NLRP12: variants seen among roughly 807,000 people sequenced by gnomAD.
NLRP12 encodes NACHT, LRR and PYD domains-containing protein 12.
NLRP12 carries 108 observed loss-of-function variants against 91.2 expected under a neutral mutation model. The ratio of observed to expected loss-of-function variants is 1.18; its 90% CI spans 1.01 to 1.39. The LOEUF is 1.39. Among genes scored for constraint, NLRP12 ranks in the 40% most tolerant of loss-of-function variants. NLRP12 has a pLI of 0.00. For synonymous variants in NLRP12, 613 were observed against 566.7 expected (o/e 1.08, Z -1.16); for missense variants, 1,530 against 1,352.7 (o/e 1.13, Z -2.06).
rs754512228 is a variant in NLRP12 at position 53,819,410 on chromosome 19, AATATATATATATATATAT to A, written c.290-4440_290-4423del. The stretch of plus-strand genomic sequence containing the variant: ...CAGGCGTGTGCCACTACGCCTGGCT[AATATATATATATATATAT>A]ATATATATATATATATATATATATA... On this transcript the variant is annotated intron_variant, in intron 1 of 9. Transcript: ENST00000324134. Among the ~76,000 whole-genome samples the A allele has an allele frequency of 4.6e-3, 108 of 23,670 alleles. 15 individuals are homozygous for A. The highest frequency in any genetic ancestry group is 9.3e-3 in the African/African-American group (52 of 5,594). 15.5% of individuals were successfully genotyped at this position (23,670 alleles called of 152,430 possible).
At position 53,798,312 on chromosome 19, in the gene NLRP12, A is replaced by G; in HGVS notation, c.2858T>C (p.Leu953Pro). ...CAGCAACCACAGGCCCCAGTCTCCC[A>G]GGTCGTTGAAACTCAAGTCCAGCTC... is the stretch of plus-strand genomic sequence containing the variant. ...LRELDLSFND[L>P]GDWGLWLLAE... Residue 953 changes from leucine to proline, a missense_variant, in exon 8 of 10, where the codon CTG becomes CCG. Coordinates refer to ENST00000324134, the MANE Select transcript of NLRP12 (RefSeq NM_144687.4). 1 of 1,614,164 alleles carries G rather than the reference A, an allele frequency of 6.2e-7. No homozygotes were observed. Among genetic ancestry groups the G allele is most frequent in the Non-Finnish European group, 8.5e-7 (1 of 1,180,026 alleles).
Position 53,809,632 on chromosome 19 carries a change from T to C in NLRP12, c.2027A>G (p.Asp676Gly). Reference sequence around the variant, plus strand: ...CGCTCCTGCGGAGCACCTCGCGCGGTCTTCCCCGTCCGCGCTGTAGGTGGC... The same window carrying C: ...CGCTCCTGCGGAGCACCTCGCGCGGCCTTCCCCGTCCGCGCTGTAGGTGGC... ...YGATYSADGE[D>G]RARCSAGAHT... The change falls in exon 3 of 10, where the codon GAC (aspartate) becomes GGC (glycine). Residue 676 changes from aspartate (D) to glycine (G), a missense_variant. Coordinates refer to ENST00000324134, the MANE Select transcript of NLRP12 (RefSeq NM_144687.4). 6.2e-7 allele frequency: 1 copy of C among 1,612,320 alleles called. No homozygotes were observed. Among genetic ancestry groups the C allele is most frequent in the Non-Finnish European group, 8.5e-7 (1 of 1,179,704 alleles).
In NLRP12 at chr19:53,810,822, G is replaced by C; in HGVS notation, c.837C>G (p.Leu279=). 6.2e-7 allele frequency: 1 copy of C among 1,614,124 alleles called. No individual in the cohort carries two copies. The highest frequency in any genetic ancestry group is 1.1e-5 in the South Asian group (1 of 91,082). ...FSCWPEPSAP[L]QELIRVPERL... is the part of the protein sequence containing the mutation. ...GCTCGGGAACTCGGATGAGCTCCTG[G>C]AGAGGCGCGCTGGGCTCAGGCCAGC... Residue 279 remains leucine (L), a synonymous_variant, in exon 3 of 10, where the codon CTC becomes CTG. Coordinates refer to ENST00000324134, the MANE Select transcript of NLRP12 (RefSeq NM_144687.4).
At chr19:53,819,254 C>A (rs1247225799) in intron 1 of NLRP12, among the ~76,000 whole-genome samples, 1 of 150,278 alleles carries the variant, frequency 6.7e-6, no homozygotes. Context: ...TCTTTCTTTT[C>A]TTTTTTTGAG....
Position 53,821,478 on chromosome 19 carries a change from C to A in NLRP12, c.289+2408G>T, listed in dbSNP as rs1433764000. Among the ~76,000 whole-genome samples, 4 of 152,192 alleles carry A rather than the reference C, an allele frequency of 2.6e-5. No homozygotes were observed. The South Asian group carries it at 8.3e-4, about 32-fold the overall frequency. On this transcript the variant is annotated intron_variant, in intron 1 of 9. Coordinates refer to ENST00000324134, the MANE Select transcript of NLRP12 (RefSeq NM_144687.4). The stretch of plus-strand genomic sequence containing the variant: ...GGTCAGGAGATCGAGACCATCCTGG[C>A]TAACATAGGGAAACCCCGTCTCTAT...
Position 53,824,201 on chromosome 19 carries a change from G to T in NLRP12, c.-27C>A. On this transcript the variant is annotated 5_prime_UTR_variant, in exon 1 of 10. Transcript: ENST00000324134. ...GGGGTGCCGTGAGCCCCAAAGGAGA[G>T]GACCTGGAGGCTGAGATGCTCCTAT... 3.7e-6 allele frequency: 6 copies of T among 1,611,736 alleles called. No individual in the cohort carries two copies. The highest frequency in any genetic ancestry group is 5.1e-6 in the Non-Finnish European group (6 of 1,179,604).
intron 9 of NLRP12, among the ~76,000 whole-genome samples, chr19:53,795,001 AATC>A (rs1474058340): frequency 4.0e-5 from 6 of 151,652 alleles, no homozygotes; most frequent in Non-Finnish European, 8.8e-5. Flanking sequence ...CCAGTGGCGT[AATC>A]ATGGTTCACT....
Position 53,811,089 on chromosome 19 carries a change from C to G in NLRP12, c.570G>C (p.Gln190His). Residue 190 changes from glutamine (Q) to histidine (H), a missense_variant, in exon 3 of 10, where the codon CAG becomes CAC. Transcript: ENST00000324134. ...GGGTCTCTATCTTGATGGGGCTAGC[C>G]TGGTGTCCCACGGTCCTCGCGTGTC... ...GRGHARTVGH[Q>H]ASPIKIETLF... 6.2e-7 allele frequency: 1 copy of G among 1,613,884 alleles called. No individual in the cohort carries two copies. Among genetic ancestry groups the G allele is most frequent in the South Asian group, 1.1e-5 (1 of 91,082 alleles).
rs759770066 is a variant in NLRP12, at chr19:53,810,797, G to T, written c.862C>A (p.Arg288Ser). The change falls in exon 3 of 10, where the codon CGC (arginine) becomes AGC (serine). Residue 288 changes from arginine (R) to serine (S), a missense_variant. Transcript: ENST00000324134. ...PLQELIRVPE[R>S]LLFIIDGFDE... Reference sequence around the variant, plus strand: ...AAGCCGTCGATGATGAAAAGGAGGCGCTCGGGAACTCGGATGAGCTCCTGG... The same window carrying T: ...AAGCCGTCGATGATGAAAAGGAGGCTCTCGGGAACTCGGATGAGCTCCTGG... 2.5e-6 allele frequency: 4 copies of T among 1,614,082 alleles called. No individual in the cohort carries two copies. Among genetic ancestry groups the T allele is most frequent in the East Asian group, 2.2e-5 (1 of 44,880 alleles).
At chr19:53,804,983 T>C (rs1459100811) in intron 5 of NLRP12, among the ~76,000 whole-genome samples, 7 of 151,934 alleles carry the variant, frequency 4.6e-5, no homozygotes, top group Non-Finnish European at 1.0e-4. Context: ...TGAGCCGAGA[T>C]TGTGCCACTG....
rs916644675 is a variant in NLRP12, at chr19:53,803,505, G to A, written c.2585+447C>T. Among the ~76,000 whole-genome samples, 62 of 151,594 alleles carry A rather than the reference G, an allele frequency of 4.1e-4. 3 individuals carry two copies. Among genetic ancestry groups the A allele is most frequent in the Admixed American group, 3.3e-3 (50 of 15,176 alleles). ...CATCTCTGGAACTTTTTCATCTTCC[G>A]AAATGGAACCTCTGCTCCCGTTAAA... On this transcript the variant is annotated intron_variant, in intron 6 of 9. Coordinates refer to ENST00000324134, the MANE Select transcript of NLRP12 (RefSeq NM_144687.4).
At chr19:53,797,824 T>C (rs2091794758) in intron 8 of NLRP12, among the ~76,000 whole-genome samples, 1 of 151,930 alleles carries the variant, frequency 6.6e-6, no homozygotes. Context: ...CTGAAACCTC[T>C]ACTTCCCAGG....
rs1568685991 is a variant in NLRP12 at position 53,813,301 on chromosome 19, T to C, written c.370+1607A>G. Among the ~76,000 whole-genome samples the C allele has an allele frequency of 7.4e-4, 75 of 101,604 alleles. 1 individual carries two copies. Among genetic ancestry groups the C allele is most frequent in the South Asian group, 1.8e-3 (4 of 2,284 alleles). The allele number at this position is 101,604 out of a possible 152,430, so 66.7% of individuals were successfully genotyped here. On this transcript the variant is annotated intron_variant, in intron 2 of 9. Transcript: ENST00000324134. ...CTATTCTTTTTTTTTTTTCTTTTCT[T>C]TTTTTTTTTTTTTTTTTTTGAGACA...
chr19:53,823,770 G>A (rs527497881), intron 1 of NLRP12, 116 bp downstream of exon 1: 201 of 1,200,834 alleles, frequency 1.7e-4, no homozygotes, highest in Middle Eastern at 8.2e-4. Context: ...GACTGGTCTT[G>A]AACTCCTCAC....
rs756588206 is a variant in NLRP12 at position 53,801,311 on chromosome 19, AGGTCCAGCTCTCTCAGGCTCT to A, written c.2651_2671del (p.Gln884_Asp890del). The A allele has an allele frequency of 6.2e-6, 10 of 1,613,902 alleles. No homozygotes were observed. In the East Asian group the frequency reaches 8.9e-5, roughly 14 times the overall value. ...GAGGTCCCCCAGCTCATTCAGGCTC[AGGTCCAGCTCTCTCAGGCTCT>A]GGTTCACACTGAGAGTTGAGGCCAG... On this transcript the variant is annotated inframe_deletion, in exon 7 of 10. Transcript: ENST00000324134.
chr19:53,803,358 T>C (rs545841187), intron 6 of NLRP12, among the ~76,000 whole-genome samples: 1 of 151,826 alleles, frequency 6.6e-6, no homozygotes, highest in East Asian at 2.0e-4. Context: ...ATTTTGTATT[T>C]TAGTAGAGAC....
Position 53,798,261 on chromosome 19 carries a change from C to T in NLRP12, c.2909G>A (p.Cys970Tyr). Residue 970 changes from cysteine to tyrosine, a missense_variant, in exon 8 of 10, where the codon TGC (cysteine) becomes TAC (tyrosine). Transcript: ENST00000324134. ...TGCTCACCACAGTTTCTGGAGTCTG[C>T]AGGCGGGATGTTGCAGCCCCTCAGC... ...LLAEGLQHPA[C>Y]RLQKLWLDSC... is the part of the protein sequence containing the mutation. The T allele has an allele frequency of 6.2e-7, 1 of 1,614,204 alleles. No individual in the cohort carries two copies. The highest frequency in any genetic ancestry group is 8.5e-7 in the Non-Finnish European group (1 of 1,180,048).
intron 4 of NLRP12, among the ~76,000 whole-genome samples, chr19:53,807,290 A>C (rs546984179): frequency 6.6e-6 from 1 of 151,868 alleles, no homozygotes; most frequent in African/African-American, 2.4e-5. Flanking sequence ...CTGGTCTCAA[A>C]CTCCTGACCT....
At chr19:53,816,018 G>A (rs1382624048) in intron 1 of NLRP12, among the ~76,000 whole-genome samples, 6 of 149,514 alleles carry the variant, frequency 4.0e-5, no homozygotes, top group African/African-American at 9.9e-5. Context: ...GCAGTCTTTC[G>A]ACCTTGGCCT....
Sources: allele counts gnomAD v4.1 joint callset (sites outside exome capture counted in the v4.1 genomes callset), GRCh38; gene constraint gnomAD v4.1.1; transcripts MANE v1.5; gene names NCBI Gene and HGNC (gene_info 2026-07-23, HGNC 2026-07-21).